The following FSIP1 variants were observed in gnomAD, a reference collection of about 807,000 sequenced individuals.
FSIP1 encodes the protein fibrous sheath-interacting protein 1.
Under a neutral mutation model 60.9 loss-of-function variants are expected in FSIP1, and 65 were observed. The observed-to-expected ratio is 1.07, with a 90% confidence interval of 0.87 to 1.31. The LOEUF is 1.31. Ranked by LOEUF, FSIP1 falls within the 40% of genes most tolerant of loss-of-function variation. The probability of loss-of-function intolerance (pLI) is 0.00; values close to 1 mark genes in which losing one functional copy is unlikely to be tolerated. For missense variants in FSIP1, 675 were observed against 665.5 expected, an observed-to-expected ratio of 1.01 and a Z score of -0.16; for synonymous variants, 209 against 221.2, an observed-to-expected ratio of 0.94 and a Z score of 0.49.
At chr15:39,739,436 T>C (rs1440269706) in intron 7 of FSIP1, among the ~76,000 whole-genome samples, 1 of 152,228 alleles carries the variant, frequency 6.6e-6, no homozygotes, top group African/African-American at 2.4e-5. Flanking sequence ...AAATGATAGA[T>C]GCACCTACCA....
chr15:39,672,864 G>T (rs2140472063), intron 10 of FSIP1, among the ~76,000 whole-genome samples: 1 of 152,272 alleles, frequency 6.6e-6, no homozygotes, highest in East Asian at 1.9e-4. Flanking sequence ...ACTACATGAT[G>T]GAATCAGATG....
intron 9 of FSIP1, among the ~76,000 whole-genome samples, chr15:39,721,700 T>C (rs951402038): frequency 3.3e-5 from 5 of 152,202 alleles, no homozygotes; most frequent in African/African-American, 9.6e-5. Flanking sequence ...CCATACAATA[T>C]AGAGTGGTGG....
intron 10 of FSIP1, among the ~76,000 whole-genome samples, chr15:39,680,518 C>T (rs568547678): frequency 4.6e-5 from 7 of 152,296 alleles, no homozygotes; most frequent in Non-Finnish European, 8.8e-5. Context: ...ATACATATTA[C>T]GCACAACTTC....
chr15:39,620,100 G>A (rs1246190849), intron 10 of FSIP1, among the ~76,000 whole-genome samples: 1 of 152,100 alleles, frequency 6.6e-6, no homozygotes, highest in Non-Finnish European at 1.5e-5. Flanking sequence ...GAAAAGCAGT[G>A]ACATATACAC....
intron 9 of FSIP1, among the ~76,000 whole-genome samples, chr15:39,718,810 T>G (rs1895847945): frequency 6.6e-6 from 1 of 152,196 alleles, no homozygotes; most frequent in Admixed American, 6.5e-5. Flanking sequence ...TAATAAACTT[T>G]TCTGCCAAAG....
intron 10 of FSIP1, among the ~76,000 whole-genome samples, chr15:39,652,915 C>G (rs1892931277): frequency 6.6e-6 from 1 of 152,050 alleles, no homozygotes; most frequent in South Asian, 2.1e-4. Flanking sequence ...GTGGCTCATG[C>G]CTGTAATCCC....
At chr15:39,604,789 GAAAACT>G (rs1890763604) in intron 11 of FSIP1, among the ~76,000 whole-genome samples, 1 of 152,176 alleles carries the variant, frequency 6.6e-6, no homozygotes, top group Non-Finnish European at 1.5e-5. Flanking sequence ...GAGACAAACA[GAAAACT>G]ATTAAGGCAA....
rs117550637 is a variant in FSIP1, at chr15:39,610,400, G to A, written c.1699+7335C>T. On this transcript the variant is annotated intron_variant, in intron 11 of 11. Transcript: ENST00000350221. The stretch of plus-strand genomic sequence containing the variant: ...AATCAAACTATTAAAAAACAAAGAC[G>A]GTCAGGCGCAGTGGCTCATGCCTGT... Among the ~76,000 whole-genome samples the A allele has an allele frequency of 5.8e-4, 89 of 152,276 alleles. No individual in the cohort carries two copies. The East Asian group carries it at 0.016, about 27-fold the overall frequency.
At chr15:39,688,707 C>G (rs1239864587) in intron 10 of FSIP1, among the ~76,000 whole-genome samples, 1 of 152,134 alleles carries the variant, frequency 6.6e-6, no homozygotes, top group Non-Finnish European at 1.5e-5. Context: ...CAGCCCTGTT[C>G]CACATTGAGT....
In FSIP1 at chr15:39,719,752, T is replaced by C. The variant is rs1895882411; in HGVS notation, c.1051-6171A>G. 3.3e-5 allele frequency among the ~76,000 whole-genome samples: 5 copies of C among 152,316 alleles called. 1 individual carries two copies. Among genetic ancestry groups the C allele is most frequent in the Middle Eastern group, 3.4e-3 (1 of 294 alleles). On this transcript the variant is annotated intron_variant, in intron 9 of 11. Coordinates refer to ENST00000350221, the MANE Select transcript of FSIP1 (RefSeq NM_152597.5). ...CAGGGAAAAAGATACTTCAGGCAGA[T>C]TGTTTTTATCACCTTGGAATAATGC...
Position 39,758,616 on chromosome 15 carries a change from G to A in FSIP1, c.559+5205C>T, listed in dbSNP as rs141246866. Among the ~76,000 whole-genome samples, 24 of 151,980 alleles carry A rather than the reference G, an allele frequency of 1.6e-4. No homozygotes were observed. The East Asian group carries it at 3.9e-3, about 25-fold the overall frequency. On this transcript the variant is annotated intron_variant, in intron 5 of 11. Transcript: ENST00000350221. The stretch of plus-strand genomic sequence containing the variant: ...AGTTGTACTTTTCCAAGCAGACTAC[G>A]TTCATATACTGGTCTTTAGACATTT...
At chr15:39,655,564 G>C (rs1357975230) in intron 10 of FSIP1, among the ~76,000 whole-genome samples, 1 of 152,168 alleles carries the variant, frequency 6.6e-6, no homozygotes, top group Non-Finnish European at 1.5e-5. Flanking sequence ...GTTCAGTGTT[G>C]TAACGACTGA....
At chr15:39,733,194 C>T (rs553381080) in intron 8 of FSIP1, among the ~76,000 whole-genome samples, 27 of 152,268 alleles carry the variant, frequency 1.8e-4, no homozygotes, top group African/African-American at 6.3e-4. Context: ...CCAAACCTGG[C>T]TAATTGTTGT....
chr15:39,748,444 T>C (rs957806510), intron 5 of FSIP1, among the ~76,000 whole-genome samples: 4 of 152,164 alleles, frequency 2.6e-5, no homozygotes, highest in Admixed American at 2.0e-4. Context: ...ATTAATCATA[T>C]TACAGGCAAA....
intron 5 of FSIP1, among the ~76,000 whole-genome samples, chr15:39,762,898 T>C (rs190498228): frequency 6.0e-4 from 91 of 152,288 alleles, no homozygotes; most frequent in Non-Finnish European, 1.2e-3. Flanking sequence ...CACACACATC[T>C]ATTATTGACA....
intron 9 of FSIP1, among the ~76,000 whole-genome samples, chr15:39,724,867 C>T (rs958367621): frequency 6.6e-6 from 1 of 152,120 alleles, no homozygotes; most frequent in African/African-American, 2.4e-5. Flanking sequence ...ATTTTATTAT[C>T]CCATCTAGGG....
intron 10 of FSIP1, among the ~76,000 whole-genome samples, chr15:39,632,125 T>C (rs1891917338): frequency 6.6e-6 from 1 of 152,156 alleles, no homozygotes; most frequent in Admixed American, 6.5e-5. Flanking sequence ...TGCTAAAATA[T>C]TTTGGCTGAA....
chr15:39,629,711 A>C (rs988460784), intron 10 of FSIP1, among the ~76,000 whole-genome samples: 1 of 152,244 alleles, frequency 6.6e-6, no homozygotes, highest in African/African-American at 2.4e-5. Flanking sequence ...CTCTCAAGGA[A>C]CAAACTCACA....
intron 10 of FSIP1, among the ~76,000 whole-genome samples, chr15:39,641,830 C>T (rs913447369): frequency 1.1e-4 from 17 of 152,140 alleles, no homozygotes; most frequent in African/African-American, 3.9e-4. Flanking sequence ...AACGTAAAAA[C>T]GGAAAACACC....
Sources: gnomAD v4.1 joint callset for allele counts (sites outside exome capture counted in the v4.1 genomes callset) on GRCh38, gnomAD v4.1.1 for gene constraint, MANE v1.5 for transcripts, NCBI Gene and HGNC (gene_info 2026-07-23, HGNC 2026-07-21) for gene names.